KLHL15: variants seen among roughly 807,000 people sequenced by gnomAD.
KLHL15 encodes kelch like family member 15.
In KLHL15, 1 loss-of-function variant was observed where a neutral mutation model predicts 29.3. That is an observed-to-expected ratio of 0.03 (90% CI 0.01 to 0.16). The LOEUF (loss-of-function observed/expected upper bound fraction) is 0.16. Among genes scored for constraint, KLHL15 ranks in the 10% least tolerant of loss-of-function variants. The probability of loss-of-function intolerance (pLI) is 1.00; values close to 1 mark genes in which losing one functional copy is unlikely to be tolerated. For missense variants in KLHL15, 215 were observed against 478.5 expected (o/e 0.45, Z 5.14); for synonymous variants, 212 against 184.5 (o/e 1.15, Z -1.21).
chrX:23,991,523 A>AAAACAAACAAAC lies in KLHL15; in HGVS notation c.706-2505_706-2494dup, dbSNP rs768799405. ...AACAACAGCGAAACTCTTATCTCCA[A>AAAACAAACAAAC]AAACAAACAAACAAACAAACAAACA... On this transcript the variant is annotated intron_variant, in intron 3 of 3. Coordinates refer to ENST00000328046, the MANE Select transcript of KLHL15 (RefSeq NM_030624.3). Among the ~76,000 whole-genome samples, 97 of 109,790 alleles carry AAAACAAACAAAC rather than the reference A, an allele frequency of 8.8e-4. 1 individual carries two copies. The highest frequency in any genetic ancestry group is 3.2e-3 in the African/African-American group (95 of 30,093).
At chrX:24,014,600 T>TG (rs1458644505) in intron 2 of KLHL15, among the ~76,000 whole-genome samples, 1 of 108,916 alleles carries the variant, frequency 9.2e-6, no homozygotes, top group African/African-American at 3.3e-5. Flanking sequence ...AGAGAAGCAG[T>TG]GGGGGAAAAA....
intron 2 of KLHL15, among the ~76,000 whole-genome samples, chrX:24,016,022 A>G (rs1319379336): frequency 3.7e-5 from 4 of 108,624 alleles, no homozygotes; most frequent in African/African-American, 1.3e-4. Flanking sequence ...TAGTTAATTA[A>G]TTTAAAAAGT....
At position 23,988,168 on chromosome X, in the gene KLHL15, G is replaced by T; in HGVS notation, c.1568C>A (p.Thr523Asn). The change falls in exon 4 of 4, where the codon ACC becomes AAC. Residue 523 changes from threonine (T) to asparagine (N), a missense_variant. Coordinates refer to ENST00000328046, the MANE Select transcript of KLHL15 (RefSeq NM_030624.3). ...EVYNPETDQW[T>N]ILASMPIGRS... ...ACCAATCGGCATGGATGCCAAGATG[G>T]TCCACTGATCAGTCTCTGGGTTGTA... 2 of 1,211,812 alleles carry T rather than the reference G, an allele frequency of 1.7e-6. No individual in the cohort carries two copies. Among genetic ancestry groups the T allele is most frequent in the Non-Finnish European group, 2.2e-6 (2 of 895,509 alleles).
intron 3 of KLHL15, among the ~76,000 whole-genome samples, chrX:24,003,417 G>A: frequency 1.8e-5 from 2 of 108,578 alleles, no homozygotes; most frequent in Non-Finnish European, 3.8e-5. Flanking sequence ...GCCGGGCGTG[G>A]TGGCGGGTGC....
chrX:24,023,700 G>A (rs980543546), intron 2 of KLHL15, among the ~76,000 whole-genome samples: 1 of 112,096 alleles, frequency 8.9e-6, no homozygotes, highest in African/African-American at 3.2e-5. Flanking sequence ...AATCAGCAAT[G>A]AAGAGTGCAA....
intron 3 of KLHL15, among the ~76,000 whole-genome samples, chrX:23,990,447 CATA>C (rs1282692752): frequency 2.7e-5 from 3 of 111,259 alleles, no homozygotes; most frequent in East Asian, 5.6e-4. Flanking sequence ...AATCCTTTGT[CATA>C]ATAAGACAAG....
intron 3 of KLHL15, among the ~76,000 whole-genome samples, chrX:23,997,382 G>A (rs1251702454): frequency 1.8e-5 from 2 of 110,649 alleles, no homozygotes; most frequent in African/African-American, 6.6e-5. Context: ...AGGCAGCAGT[G>A]AGCTATGATG....
chrX:24,020,932 A>G (rs754656016), intron 2 of KLHL15, among the ~76,000 whole-genome samples: 9 of 112,210 alleles, frequency 8.0e-5, no homozygotes, highest in African/African-American at 1.3e-4. Context: ...TCTATAATAT[A>G]TATCATTAAC....
chrX:24,024,002 GATTAAC>G (rs2147113347), intron 2 of KLHL15, among the ~76,000 whole-genome samples: 1 of 112,018 alleles, frequency 8.9e-6, no homozygotes, highest in Non-Finnish European at 1.9e-5. Flanking sequence ...CACTTAATCA[GATTAAC>G]AAAGGCAAAC....
chrX:23,996,077 G>C (rs1254731831), intron 3 of KLHL15, among the ~76,000 whole-genome samples: 1 of 112,310 alleles, frequency 8.9e-6, no homozygotes, highest in Admixed American at 9.5e-5. Context: ...TATCCAATAT[G>C]CTTATATTAA....
chrX:24,016,339 CAAAAAAAAAA>C (rs755683770), intron 2 of KLHL15, among the ~76,000 whole-genome samples: 8 of 21,691 alleles, frequency 3.7e-4, no homozygotes, highest in Non-Finnish European at 5.8e-4. Flanking sequence ...GACTCTGTCT[CAAAAAAAAAA>C]AAAAAAAAAA....
chrX:23,991,451 G>GGA (rs989167616), intron 3 of KLHL15, among the ~76,000 whole-genome samples: 2 of 110,041 alleles, frequency 1.8e-5, no homozygotes, highest in African/African-American at 6.6e-5. Context: ...CCCGGGAGGT[G>GGA]GAGGTTACAG....
intron 2 of KLHL15, among the ~76,000 whole-genome samples, chrX:24,014,543 A>G (rs1230310059): frequency 9.0e-6 from 1 of 111,600 alleles, no homozygotes; most frequent in African/African-American, 3.3e-5. Context: ...AAAAAAACAC[A>G]ACAATTAAGG....
intron 3 of KLHL15, among the ~76,000 whole-genome samples, chrX:23,995,279 C>A (rs1381722444): frequency 9.1e-6 from 1 of 109,557 alleles, no homozygotes; most frequent in Non-Finnish European, 1.9e-5. Context: ...TGTTGGTGTG[C>A]GCCTGTAGTC....
intron 2 of KLHL15, among the ~76,000 whole-genome samples, chrX:24,020,378 G>A (rs977596354): frequency 3.6e-5 from 4 of 111,975 alleles, no homozygotes; most frequent in African/African-American, 6.5e-5. Context: ...TTTAATATGG[G>A]AGGAGACGTT....
intron 3 of KLHL15, among the ~76,000 whole-genome samples, chrX:24,005,715 C>T (rs1929433362): frequency 8.9e-6 from 1 of 112,047 alleles, no homozygotes; most frequent in African/African-American, 3.2e-5. Context: ...AGTAATTATG[C>T]TTCAACTTTA....
At chrX:23,992,418 TAAA>T (rs1929105091) in intron 3 of KLHL15, among the ~76,000 whole-genome samples, 1 of 112,109 alleles carries the variant, frequency 8.9e-6, no homozygotes, top group South Asian at 3.7e-4. Flanking sequence ...TTTGTCTCTG[TAAA>T]AATTTAGTCT....
At chrX:24,024,114 G>GC (rs766831351) in intron 2 of KLHL15, among the ~76,000 whole-genome samples, 1 of 112,049 alleles carries the variant, frequency 8.9e-6, no homozygotes, top group South Asian at 3.6e-4. Context: ...GAAAAGCAAA[G>GC]CCCCTACGGT....
Position 24,005,892 on chromosome X carries a change from T to A in KLHL15, c.705+97A>T, listed in dbSNP as rs1352759756. On this transcript the variant is annotated intron_variant, in intron 3 of 3. Transcript: ENST00000328046. ...ATAAGAAATAACAAAATGAAGTTAT[T>A]CATTCTTGGCTCTTAAGTCTGTGAA... 6.7e-6 allele frequency: 4 copies of A among 593,230 alleles called. No individual in the cohort carries two copies. In the African/African-American group the frequency reaches 9.1e-5, roughly 13 times the overall value. 48.9% of individuals were successfully genotyped at this position (593,230 alleles called of 1,213,427 possible).
Sources: gnomAD v4.1 joint callset for allele counts (sites outside exome capture counted in the v4.1 genomes callset) on GRCh38, gnomAD v4.1.1 for gene constraint, MANE v1.5 for transcripts, NCBI Gene and HGNC (gene_info 2026-07-23, HGNC 2026-07-21) for gene names.